JAKMIP2: variants seen among roughly 807,000 people sequenced by gnomAD.
JAKMIP2 encodes janus kinase and microtubule interacting protein 2, also known as janus kinase and microtubule-interacting protein 2.
Under a neutral mutation model 115.0 loss-of-function variants are expected in JAKMIP2, and 25 were observed. The ratio of observed to expected loss-of-function variants is 0.22; its 90% CI spans 0.16 to 0.30. The LOEUF is 0.30. Among genes scored for constraint, JAKMIP2 ranks in the 10% least tolerant of loss-of-function variants. The pLI, the probability that JAKMIP2 is intolerant of heterozygous loss-of-function variation, is 1.00. For missense variants in JAKMIP2, 642 were observed against 957.6 expected (o/e 0.67, Z 4.35); for synonymous variants, 334 against 343.6 (o/e 0.97, Z 0.31).
At chr5:147,642,645 A>AAAC (rs1479546556) in intron 7 of JAKMIP2, among the ~76,000 whole-genome samples, 5 of 151,900 alleles carry the variant, frequency 3.3e-5, no homozygotes, top group African/African-American at 1.2e-4. Flanking sequence ...ATCTTGTTTA[A>AAAC]GCCAGTGGTG....
chr5:147,668,621 C>T (rs1561526824), intron 2 of JAKMIP2, among the ~76,000 whole-genome samples: 1 of 152,158 alleles, frequency 6.6e-6, no homozygotes, highest in Non-Finnish European at 1.5e-5. Flanking sequence ...GTAGGGATGA[C>T]AATGCCCACC....
intron 15 of JAKMIP2, 132 bp downstream of exon 15, chr5:147,629,561 C>T: frequency 1.6e-6 from 1 of 611,018 alleles, no homozygotes; most frequent in Non-Finnish European, 2.8e-6. Context: ...ATTGTATATT[C>T]TTCCCAAGGA....
chr5:147,615,621 T>C (rs778114451), intron 19 of JAKMIP2, among the ~76,000 whole-genome samples: 4 of 152,074 alleles, frequency 2.6e-5, no homozygotes, highest in Non-Finnish European at 4.4e-5. Context: ...GTGTGTTGGA[T>C]TGAAAAGGGG....
intron 1 of JAKMIP2, among the ~76,000 whole-genome samples, chr5:147,679,565 A>T (rs954158059): frequency 2.0e-5 from 3 of 152,220 alleles, no homozygotes; most frequent in Admixed American, 2.0e-4. Context: ...CATAAAAAGG[A>T]TGGCATTGAG....
At chr5:147,667,189 G>A (rs1487680061) in intron 2 of JAKMIP2, among the ~76,000 whole-genome samples, 2 of 152,138 alleles carry the variant, frequency 1.3e-5, no homozygotes, top group East Asian at 1.9e-4. Context: ...GGGGCAGGGT[G>A]AAGGGGAGAG....
intron 1 of JAKMIP2, among the ~76,000 whole-genome samples, chr5:147,703,992 G>A (rs1752473849): frequency 6.6e-6 from 1 of 151,944 alleles, no homozygotes; most frequent in African/African-American, 2.4e-5. Context: ...CAGGGTCAGG[G>A]GTCAGGATCA....
chr5:147,652,131 C>T (rs1758429085), intron 3 of JAKMIP2, among the ~76,000 whole-genome samples: 1 of 152,040 alleles, frequency 6.6e-6, no homozygotes, highest in Non-Finnish European at 1.5e-5. Context: ...GCTTAATATG[C>T]CTTATTTTAT....
At chr5:147,703,448 G>A (rs1232260475) in intron 1 of JAKMIP2, among the ~76,000 whole-genome samples, 5 of 152,130 alleles carry the variant, frequency 3.3e-5, no homozygotes, top group Admixed American at 1.3e-4. Context: ...GTTGTTCTGG[G>A]TGAGCGAATA....
intron 1 of JAKMIP2, among the ~76,000 whole-genome samples, chr5:147,703,454 G>A (rs12653862): frequency 0.1 from 15,704 of 152,154 alleles, 1,000 homozygotes; most frequent in Middle Eastern, 0.18. Context: ...CTGGGTGAGC[G>A]AATAAGTGAG....
In JAKMIP2 at chr5:147,641,704, T is replaced by A; in HGVS notation, c.1281+4A>T. On this transcript the variant is annotated splice_donor_region_variant and intron_variant, in intron 8 of 21. Transcript: ENST00000616793. ...AATGCCTGATAACTTTGATTTCTTA[T>A]TACCTTAATTGGCTTGGAACTTCTT... The A allele has an allele frequency of 6.2e-7, 1 of 1,607,628 alleles. No homozygotes were observed. The highest frequency in any genetic ancestry group is 8.5e-7 in the Non-Finnish European group (1 of 1,174,304).
At chr5:147,669,604 C>T (rs891132443) in intron 2 of JAKMIP2, among the ~76,000 whole-genome samples, 1 of 152,130 alleles carries the variant, frequency 6.6e-6, no homozygotes, top group Admixed American at 6.5e-5. Flanking sequence ...TTCCCAGTCT[C>T]GAGATTGACA....
At position 147,628,824 on chromosome 5, in the gene JAKMIP2, A is replaced by G. The variant is rs376172671; in HGVS notation, c.1930-8T>C. 62 of 1,610,970 alleles carry G rather than the reference A, an allele frequency of 3.8e-5. No homozygotes were observed. The African/African-American group carries it at 6.4e-4, about 17-fold the overall frequency. On this transcript the variant is annotated splice_polypyrimidine_tract_variant and splice_region_variant and intron_variant, in intron 15 of 21. Coordinates refer to ENST00000616793, the MANE Select transcript of JAKMIP2 (RefSeq NM_001270941.2). ...TTCTTCATTTCTTAAATTCTGTAAAAAATAAGAAAGGCCGTCAGCTGAACA... is the reference window on the plus strand; with the variant it reads ...TTCTTCATTTCTTAAATTCTGTAAAGAATAAGAAAGGCCGTCAGCTGAACA...
In JAKMIP2 at chr5:147,632,576, G is replaced by C. The variant is rs1757416404; in HGVS notation, c.1776+104C>G. 6.7e-6 allele frequency: 5 copies of C among 750,460 alleles called. No individual in the cohort carries two copies. The East Asian group carries it at 1.3e-4, about 19-fold the overall frequency. 46.5% of individuals were successfully genotyped at this position (750,460 alleles called of 1,614,324 possible). On this transcript the variant is annotated intron_variant, in intron 13 of 21. Coordinates refer to ENST00000616793, the MANE Select transcript of JAKMIP2 (RefSeq NM_001270941.2). ...GAGGGTGATTGTGAGGTCCAAATGAGAGTATGAATCTGAAATGCTTAATAC... is the reference window on the plus strand; with the variant it reads ...GAGGGTGATTGTGAGGTCCAAATGACAGTATGAATCTGAAATGCTTAATAC...
intron 21 of JAKMIP2, chr5:147,594,522 TG>T (rs1378835609): frequency 7.1e-6 from 3 of 421,000 alleles, no homozygotes; most frequent in Admixed American, 2.4e-5. Context: ...TTTGTAGAGA[TG>T]GGATTTCACC....
intron 4 of JAKMIP2, 49 bp from the exon 5 acceptor site, chr5:147,648,523 A>C (rs1486062175): frequency 2.9e-6 from 3 of 1,024,894 alleles, no homozygotes; most frequent in Non-Finnish European, 4.6e-6. Context: ...ACTTTTCACA[A>C]AGTTTGGGAA....
At chr5:147,677,610 T>C (rs1445161957) in intron 1 of JAKMIP2, among the ~76,000 whole-genome samples, 1 of 152,200 alleles carries the variant, frequency 6.6e-6, no homozygotes, top group Admixed American at 6.5e-5. Context: ...CCCAATATAG[T>C]CCTTTTACAT....
chr5:147,756,175 A>G (rs1754735548), intron 1 of JAKMIP2, among the ~76,000 whole-genome samples: 1 of 152,220 alleles, frequency 6.6e-6, no homozygotes, highest in Non-Finnish European at 1.5e-5. Context: ...TGAAAGAATT[A>G]TTATTCCTTT....
At chr5:147,702,728 G>C (rs1431453876) in intron 1 of JAKMIP2, among the ~76,000 whole-genome samples, 2 of 151,732 alleles carry the variant, frequency 1.3e-5, no homozygotes, top group African/African-American at 4.8e-5. Context: ...GAAGCCAAGG[G>C]GGAAAGAGAC....
In JAKMIP2 at chr5:147,620,478, AAG is replaced by A. The variant is rs1003099221; in HGVS notation, c.2142+186_2142+187del. On this transcript the variant is annotated intron_variant, in intron 18 of 21. Coordinates refer to ENST00000616793, the MANE Select transcript of JAKMIP2 (RefSeq NM_001270941.2). ...ATTAGGTATTATAAGAATATCTTAT[AAG>A]AATCTTAGAATAAGTAAAGAGCTAG... is the stretch of plus-strand genomic sequence containing the variant. 4.6e-5 allele frequency among the ~76,000 whole-genome samples: 7 copies of A among 152,238 alleles called. No homozygotes were observed. In the East Asian group the frequency reaches 1.3e-3, roughly 29 times the overall value.
Sources: gnomAD v4.1 joint callset for allele counts (sites outside exome capture counted in the v4.1 genomes callset) on GRCh38, gnomAD v4.1.1 for gene constraint, MANE v1.5 for transcripts, NCBI Gene and HGNC (gene_info 2026-07-23, HGNC 2026-07-21) for gene names.